The following PPP2R3C variants were observed in gnomAD, a reference collection of about 807,000 sequenced individuals.
The protein encoded by PPP2R3C is serine/threonine-protein phosphatase 2A regulatory subunit B'' subunit gamma.
Under a neutral mutation model 63.7 loss-of-function variants are expected in PPP2R3C, and 47 were observed. The observed-to-expected ratio is 0.74, with a 90% CI of 0.58 to 0.94. The LOEUF is 0.94. PPP2R3C is among the 40% of genes least tolerant of loss of function. PPP2R3C has a pLI of 0.00. For synonymous variants in PPP2R3C, 180 were observed against 177.4 expected (o/e 1.01, Z -0.12); for missense variants, 421 against 518.4 (o/e 0.81, Z 1.82).
chr14:35,120,599 AAAGT>A (rs2046844979), intron 1 of PPP2R3C, among the ~76,000 whole-genome samples: 2 of 152,260 alleles, frequency 1.3e-5, no homozygotes, highest in South Asian at 2.1e-4. Context: ...TCATCAGCTT[AAAGT>A]AAGAAGCGGG....
intron 10 of PPP2R3C, among the ~76,000 whole-genome samples, chr14:35,092,106 T>A (rs2045839705): frequency 6.6e-6 from 1 of 152,134 alleles, no homozygotes. Flanking sequence ...TCTCACTTTA[T>A]CAACCAGGCT....
intron 6 of PPP2R3C, among the ~76,000 whole-genome samples, chr14:35,103,819 A>G (rs2046267724): frequency 6.6e-6 from 1 of 152,226 alleles, no homozygotes; most frequent in Non-Finnish European, 1.5e-5. Flanking sequence ...AAAACTTTGT[A>G]TACTCTACTC....
chr14:35,115,148 CTTTTTTTTTTTTCTTTTTCT>C (rs2046672814), intron 2 of PPP2R3C, among the ~76,000 whole-genome samples: 1 of 141,376 alleles, frequency 7.1e-6, no homozygotes, highest in Admixed American at 7.1e-5. Context: ...TTGTAAACGG[CTTTTTTTTTTTTCTTTTTCT>C]TTTTTTTTTT....
chr14:35,089,368 T>A (rs1312136503), intron 11 of PPP2R3C, among the ~76,000 whole-genome samples: 1 of 152,026 alleles, frequency 6.6e-6, no homozygotes, highest in Non-Finnish European at 1.5e-5. Context: ...CCTCCCAACG[T>A]GCTGGGATTA....
At chr14:35,099,975 T>TG (rs2046134596) in intron 6 of PPP2R3C, 1 of 153,046 alleles carries the variant, frequency 6.5e-6, no homozygotes, top group African/African-American at 2.4e-5. Context: ...CTTGACCTCG[T>TG]GATCCAGCCA....
chr14:35,116,162 G>A (rs1469320473), intron 2 of PPP2R3C, among the ~76,000 whole-genome samples: 2 of 151,934 alleles, frequency 1.3e-5, no homozygotes, highest in Admixed American at 6.6e-5. Context: ...ATAGTGATAA[G>A]ATCAATTACA....
At chr14:35,106,737 G>A (rs1374108821) in intron 6 of PPP2R3C, among the ~76,000 whole-genome samples, 2 of 148,212 alleles carry the variant, frequency 1.3e-5, no homozygotes, top group Non-Finnish European at 3.0e-5. Context: ...GCGCTATCTC[G>A]GTTCACAGCA....
chr14:35,100,260 T>C (rs1456595941), intron 6 of PPP2R3C: 1 of 152,164 alleles, frequency 6.6e-6, no homozygotes, highest in Admixed American at 6.5e-5. Context: ...CGAAAAATAA[T>C]ACCATAAGGG....
At chr14:35,092,996 G>T (rs923461282) in intron 10 of PPP2R3C, among the ~76,000 whole-genome samples, 1 of 152,068 alleles carries the variant, frequency 6.6e-6, no homozygotes, top group Non-Finnish European at 1.5e-5. Context: ...AGATCAGAAG[G>T]TCAAGAGATC....
chr14:35,110,212 T>A (rs988546396), intron 3 of PPP2R3C: 3 of 446,022 alleles, frequency 6.7e-6, no homozygotes, highest in Admixed American at 4.0e-5. Context: ...AGATGTTAAG[T>A]CCATTGCCTA....
intron 2 of PPP2R3C, 26 bp from the exon 3 acceptor site, chr14:35,110,655 A>G (rs772039826): frequency 4.6e-6 from 7 of 1,528,198 alleles, no homozygotes; most frequent in Non-Finnish European, 6.3e-6. Context: ...AAATTTCTAC[A>G]TGTAAATTTT....
chr14:35,096,907 C>T, intron 7 of PPP2R3C, 143 bp from the exon 8 acceptor site: 1 of 834,830 alleles, frequency 1.2e-6, no homozygotes. Context: ...GTCCTTATTA[C>T]ATATTGCTAC....
intron 6 of PPP2R3C, chr14:35,100,317 C>T (rs1301674674): frequency 1.3e-5 from 2 of 152,044 alleles, no homozygotes; most frequent in East Asian, 3.8e-4. Context: ...ATATAGAATA[C>T]AATTTCTATA....
At chr14:35,113,328 C>A (rs1412524853) in intron 2 of PPP2R3C, among the ~76,000 whole-genome samples, 2 of 152,144 alleles carry the variant, frequency 1.3e-5, no homozygotes, top group African/African-American at 2.4e-5. Flanking sequence ...AGGGAAAGGA[C>A]TTTTTTACAA....
chr14:35,109,440 C>T (rs191036562), intron 4 of PPP2R3C, among the ~76,000 whole-genome samples: 33 of 152,186 alleles, frequency 2.2e-4, no homozygotes, highest in African/African-American at 7.9e-4. Flanking sequence ...CTTAAATGGA[C>T]TCAAATGTCA....
At chr14:35,118,168 G>A (rs368324387) in intron 1 of PPP2R3C, among the ~76,000 whole-genome samples, 7 of 152,260 alleles carry the variant, frequency 4.6e-5, no homozygotes, top group East Asian at 1.9e-4. Flanking sequence ...AATTCGAGAC[G>A]AGTACAGATT....
At chr14:35,099,229 AG>A in intron 7 of PPP2R3C, 22 bp downstream of exon 7, 1 of 1,533,292 alleles carries the variant, frequency 6.5e-7, no homozygotes, top group South Asian at 1.3e-5. Flanking sequence ...ATAATATCTA[AG>A]TTAGATAAGA....
chr14:35,111,192 G>A (rs1169316936), intron 2 of PPP2R3C, among the ~76,000 whole-genome samples: 1 of 135,274 alleles, frequency 7.4e-6, no homozygotes. Flanking sequence ...CTGAGATCAC[G>A]CCACTACACT....
At chr14:35,097,482 CTTTTT>C (rs988302767) in intron 7 of PPP2R3C, among the ~76,000 whole-genome samples, 3 of 133,758 alleles carry the variant, frequency 2.2e-5, no homozygotes, top group Non-Finnish European at 3.2e-5. Context: ...TGTTCTTGTT[CTTTTT>C]TTTTTTTTTT....
Sources: allele counts gnomAD v4.1 joint callset (sites outside exome capture counted in the v4.1 genomes callset), GRCh38; gene constraint gnomAD v4.1.1; transcripts MANE v1.5; gene names NCBI Gene and HGNC (gene_info 2026-07-23, HGNC 2026-07-21).